The following PRDM16 variants were observed in gnomAD, a reference collection of about 807,000 sequenced individuals.
PRDM16 encodes PR/SET domain 16.
A neutral mutation model predicts 110.6 loss-of-function variants in PRDM16; 23 were observed. That is an observed-to-expected ratio of 0.21 (90% CI 0.15 to 0.29). PRDM16 has a LOEUF of 0.29. Among genes scored for constraint, PRDM16 ranks in the 10% least tolerant of loss-of-function variants. The pLI, the probability that PRDM16 is intolerant of heterozygous loss-of-function variation, is 1.00. For synonymous variants in PRDM16, 799 were observed against 781.8 expected (o/e 1.02, Z -0.37); for missense variants, 1,615 against 1,794.3 (o/e 0.90, Z 1.81).
intron 4 of PRDM16, among the ~76,000 whole-genome samples, chr1:3,394,282 G>A (rs1288914327): frequency 5.9e-5 from 9 of 152,018 alleles, no homozygotes; most frequent in African/African-American, 2.2e-4. Flanking sequence ...GCAGAGAGGG[G>A]ATGGGGTTGG....
chr1:3,418,349 A>T (rs573524947), intron 11 of PRDM16, among the ~76,000 whole-genome samples: 1 of 152,140 alleles, frequency 6.6e-6, no homozygotes, highest in South Asian at 2.1e-4. Flanking sequence ...TGTCAGGATG[A>T]CACCCTCCCG....
rs142963724 is a variant in PRDM16 at position 3,154,633 on chromosome 1, A to G, written c.38-31492A>G. On this transcript the variant is annotated intron_variant, in intron 1 of 16. Coordinates refer to ENST00000270722, the MANE Select transcript of PRDM16 (RefSeq NM_022114.4). The stretch of plus-strand genomic sequence containing the variant: ...TTCTTAAGGTCCCTGCACGGGCACC[A>G]TTCCAGCTTCACGCAGTCGGCCGGG... Among the ~76,000 whole-genome samples, 190 of 152,170 alleles carry G rather than the reference A, an allele frequency of 1.2e-3. 3 individuals are homozygous for G. The highest frequency in any genetic ancestry group is 4.4e-3 in the African/African-American group (181 of 41,522).
intron 1 of PRDM16, among the ~76,000 whole-genome samples, chr1:3,125,925 A>G (rs1042150334): frequency 8.5e-5 from 13 of 152,212 alleles, no homozygotes. Flanking sequence ...TGACAGGGGC[A>G]TTAGAGGCCC....
At position 3,298,390 on chromosome 1, in the gene PRDM16, G is replaced by A. The variant is rs537028291; in HGVS notation, c.438+54253G>A. On this transcript the variant is annotated intron_variant, in intron 3 of 16. Coordinates refer to ENST00000270722, the MANE Select transcript of PRDM16 (RefSeq NM_022114.4). ...TCGCTGTCGGGAGGAGGGAAGCGCT[G>A]CAGGGCTGGGTGCCTCTGACGGCCG... 9.2e-4 allele frequency among the ~76,000 whole-genome samples: 140 copies of A among 152,366 alleles called. 1 individual carries two copies. Among genetic ancestry groups the A allele is most frequent in the Middle Eastern group, 6.8e-3 (2 of 294 alleles).
intron 1 of PRDM16, among the ~76,000 whole-genome samples, chr1:3,164,739 G>A (rs1391861857): frequency 3.9e-5 from 6 of 152,168 alleles, no homozygotes; most frequent in African/African-American, 1.4e-4. Flanking sequence ...TGATCATGGG[G>A]TCAGGTGTCC....
chr1:3,214,557 T>A (rs1323489966), intron 2 of PRDM16, among the ~76,000 whole-genome samples: 1 of 152,098 alleles, frequency 6.6e-6, no homozygotes, highest in Non-Finnish European at 1.5e-5. Flanking sequence ...ACTAGCTGGG[T>A]GTGGTTGTGC....
chr1:3,381,393 T>TG (rs1643099181), intron 3 of PRDM16, among the ~76,000 whole-genome samples: 1 of 151,176 alleles, frequency 6.6e-6, no homozygotes, highest in Non-Finnish European at 1.5e-5. Context: ...ACTCTTGTTT[T>TG]TTTCTGGTTT....
In PRDM16 at chr1:3,071,720, T is replaced by C. The variant is rs536773898; in HGVS notation, c.37+2424T>C. Among the ~76,000 whole-genome samples the C allele has an allele frequency of 5.4e-4, 82 of 152,280 alleles. 1 individual carries two copies. In the South Asian group the frequency reaches 0.016, roughly 30 times the overall value. ...GCAGGTCCTCCCCTCCCCACAATGCTGACCAGGTCAGGGGACTGTGGGGTT... is the reference window on the plus strand; with the variant it reads ...GCAGGTCCTCCCCTCCCCACAATGCCGACCAGGTCAGGGGACTGTGGGGTT... On this transcript the variant is annotated intron_variant, in intron 1 of 16. Transcript: ENST00000270722.
rs777464880 is a variant in PRDM16 at position 3,396,574 on chromosome 1, A to C, written c.657A>C (p.Thr219=). The change falls in exon 5 of 17, where the codon ACA becomes ACC. Residue 219 remains threonine, a synonymous_variant. Coordinates refer to ENST00000270722, the MANE Select transcript of PRDM16 (RefSeq NM_022114.4). ...AGGAAGGCGTCTACCCCCTGGGCAC[A>C]GTGCCGCCCGGCCTGGACGGTAAGA... ...HVKEGVYPLG[T]VPPGLDEEPT... is the part of the protein sequence containing the mutation. The C allele has an allele frequency of 5.6e-6, 9 of 1,594,134 alleles. No individual in the cohort carries two copies. Among genetic ancestry groups the C allele is most frequent in the Middle Eastern group, 1.8e-4 (1 of 5,620 alleles).
At chr1:3,191,459 GTC>G (rs1258730339) in intron 2 of PRDM16, among the ~76,000 whole-genome samples, 1 of 152,182 alleles carries the variant, frequency 6.6e-6, no homozygotes, top group Non-Finnish European at 1.5e-5. Context: ...GGACCTGCCA[GTC>G]TCCCCTGTGG....
intron 1 of PRDM16, among the ~76,000 whole-genome samples, chr1:3,120,147 AC>A (rs535755384): frequency 6.6e-4 from 98 of 149,044 alleles, no homozygotes; most frequent in African/African-American, 2.4e-3. Flanking sequence ...GTCAGCCCTC[AC>A]CGTCGGCAGA....
intron 1 of PRDM16, among the ~76,000 whole-genome samples, chr1:3,078,787 T>A (rs980931275): frequency 3.3e-5 from 5 of 152,234 alleles, no homozygotes; most frequent in Admixed American, 1.3e-4. Flanking sequence ...GTTGAATCCC[T>A]GTATCTGATC....
chr1:3,286,399 C>T (rs966906488), intron 3 of PRDM16, among the ~76,000 whole-genome samples: 3 of 152,192 alleles, frequency 2.0e-5, no homozygotes, highest in African/African-American at 7.2e-5. Flanking sequence ...GGGTGACATG[C>T]AAGCATTCCG....
chr1:3,130,423 C>T (rs985325492), intron 1 of PRDM16, among the ~76,000 whole-genome samples: 1 of 152,188 alleles, frequency 6.6e-6, no homozygotes, highest in Non-Finnish European at 1.5e-5. Context: ...CAAAGGCAGC[C>T]GAGAGGTGGG....
In PRDM16 at chr1:3,095,197, A is replaced by C. The variant is rs530521885; in HGVS notation, c.37+25901A>C. On this transcript the variant is annotated intron_variant, in intron 1 of 16. Transcript: ENST00000270722. ...GCCAGGCTGGAGCTCCACCTCCCCA[A>C]CCGCCAGTCCAAACCATGCTGGCAC... is the stretch of plus-strand genomic sequence containing the variant. 3.5e-4 allele frequency among the ~76,000 whole-genome samples: 54 copies of C among 152,204 alleles called. 2 individuals are homozygous for C. The South Asian group carries it at 0.011, about 31-fold the overall frequency.
chr1:3,126,901 G>A (rs529376526), intron 1 of PRDM16, among the ~76,000 whole-genome samples: 5 of 152,306 alleles, frequency 3.3e-5, no homozygotes, highest in South Asian at 2.1e-4. Context: ...TGTCTGTTCC[G>A]GCAAACTTTA....
Position 3,436,987 on chromosome 1 carries a change from G to A in PRDM16, c.*3176G>A, listed in dbSNP as rs76142068. 2.8e-4 allele frequency: 66 copies of A among 233,176 alleles called. No homozygotes were observed. The East Asian group carries it at 3.6e-3, about 13-fold the overall frequency. The allele number at this position is 233,176 out of a possible 1,614,324, so 14.4% of individuals were successfully genotyped here. A position where few individuals can be genotyped will look rare whatever the true frequency, so the allele number is the denominator to read the frequency against. ...CTCAGACCCCAGCCCCCAGCGAGCC[G>A]ACGTCCCCACCCGTTCCTGCTCTCA... On this transcript the variant is annotated 3_prime_UTR_variant, in exon 17 of 17. Transcript: ENST00000270722.
At chr1:3,293,826 G>T (rs1280262424) in intron 3 of PRDM16, among the ~76,000 whole-genome samples, 2 of 152,232 alleles carry the variant, frequency 1.3e-5, no homozygotes, top group Non-Finnish European at 2.9e-5. Flanking sequence ...ATCTCCTGGT[G>T]AACGTTGCCC....
At chr1:3,088,223 G>C (rs889524035) in intron 1 of PRDM16, among the ~76,000 whole-genome samples, 1 of 152,168 alleles carries the variant, frequency 6.6e-6, no homozygotes, top group African/African-American at 2.4e-5. Flanking sequence ...GGACTCTGGA[G>C]TTGCAGTTGC....
Sources: allele counts gnomAD v4.1 joint callset (sites outside exome capture counted in the v4.1 genomes callset), GRCh38; gene constraint gnomAD v4.1.1; transcripts MANE v1.5; gene names NCBI Gene and HGNC (gene_info 2026-07-23, HGNC 2026-07-21).